RTCA: variants seen among roughly 807,000 people sequenced by gnomAD.
The protein encoded by RTCA is RNA 3'-terminal phosphate cyclase.
A neutral mutation model predicts 46.1 loss-of-function variants in RTCA; 37 were observed. The ratio of observed to expected loss-of-function variants is 0.80; its 90% confidence interval spans 0.62 to 1.06. The LOEUF is 1.06. Ranked by LOEUF, RTCA falls within the 50% of genes least tolerant of loss-of-function variation. The pLI, the probability that RTCA is intolerant of heterozygous loss-of-function variation, is 0.00. For missense variants in RTCA, 435 were observed against 455.5 expected (o/e 0.95, Z 0.41); for synonymous variants, 164 against 158.3 (o/e 1.04, Z -0.27).
intron 3 of RTCA, among the ~76,000 whole-genome samples, chr1:100,268,610 G>A (rs1665915969): frequency 1.3e-5 from 2 of 152,004 alleles, no homozygotes; most frequent in South Asian, 4.2e-4. Flanking sequence ...TTTTCAGCTG[G>A]TCTCGAATTC....
chr1:100,266,313 C>A lies in RTCA; in HGVS notation c.-63C>A. On this transcript the variant is annotated 5_prime_UTR_variant, in exon 1 of 11. Coordinates refer to ENST00000370128, the MANE Select transcript of RTCA (RefSeq NM_003729.4). Reference sequence around the variant, plus strand: ...TGAACTACTGGGCGGGAGCCAACGTCTCTTCTTTCTCCCGCTCTGGCGGAG... The same window carrying A: ...TGAACTACTGGGCGGGAGCCAACGTATCTTCTTTCTCCCGCTCTGGCGGAG... 6.3e-7 allele frequency: 1 copy of A among 1,588,280 alleles called. No individual in the cohort carries two copies. Among genetic ancestry groups the A allele is most frequent in the Non-Finnish European group, 8.5e-7 (1 of 1,170,618 alleles).
intron 9 of RTCA, among the ~76,000 whole-genome samples, chr1:100,286,636 A>C (rs757562494): frequency 2.0e-5 from 3 of 152,114 alleles, no homozygotes; most frequent in Non-Finnish European, 4.4e-5. Context: ...TTAGAAATAT[A>C]GTCCTCGAGA....
At position 100,277,314 on chromosome 1, in the gene RTCA, G is replaced by A. The variant is rs1666448476; in HGVS notation, c.797G>A (p.Arg266Gln). 1 of 1,609,290 alleles carries A rather than the reference G, an allele frequency of 6.2e-7. No individual in the cohort carries two copies. Among genetic ancestry groups the A allele is most frequent in the Non-Finnish European group, 8.5e-7 (1 of 1,178,136 alleles). The stretch of plus-strand genomic sequence containing the variant: ...TTTGCTGGATCATCGCTTGGTAAAC[G>A]AGGTAAGATAAATGAAGGGGGTCCA... ...CLFAGSSLGKRGVNADKVGIE... is the reference protein window; with the variant it reads ...CLFAGSSLGKQGVNADKVGIE... Residue 266 changes from arginine to glutamine, a missense_variant and splice_region_variant, in exon 8 of 11, where the codon CGA becomes CAA. Coordinates refer to ENST00000370128, the MANE Select transcript of RTCA (RefSeq NM_003729.4).
intron 8 of RTCA, among the ~76,000 whole-genome samples, chr1:100,279,840 G>A (rs984116928): frequency 2.6e-5 from 4 of 152,170 alleles, no homozygotes; most frequent in Admixed American, 6.6e-5. Flanking sequence ...ATCTGGGTAA[G>A]GGAATGGAGA....
chr1:100,273,703 T>C (rs556792055), intron 5 of RTCA, among the ~76,000 whole-genome samples: 2 of 152,358 alleles, frequency 1.3e-5, no homozygotes, highest in East Asian at 1.9e-4. Flanking sequence ...GGTACCCTCA[T>C]ATCTAGTGAT....
chr1:100,266,669 CG>C, intron 2 of RTCA, 45 bp downstream of exon 2: 22 of 1,381,484 alleles, frequency 1.6e-5, no homozygotes, highest in Non-Finnish European at 1.9e-5. Context: ...GCTGGGGGAT[CG>C]GGGGGTCGGG....
Position 100,286,314 on chromosome 1 carries a change from C to T in RTCA, c.895-785C>T, listed in dbSNP as rs536575473. Reference sequence around the variant, plus strand: ...GAAAAAATACAAAAAATTAGCCGGGCGTGGTGGCGGGTGCCTGTAGTCGTA... The same window carrying T: ...GAAAAAATACAAAAAATTAGCCGGGTGTGGTGGCGGGTGCCTGTAGTCGTA... On this transcript the variant is annotated intron_variant, in intron 9 of 10. Coordinates refer to ENST00000370128, the MANE Select transcript of RTCA (RefSeq NM_003729.4). 3.3e-5 allele frequency among the ~76,000 whole-genome samples: 5 copies of T among 151,820 alleles called. No individual in the cohort carries two copies. In the South Asian group the frequency reaches 6.2e-4, roughly 19 times the overall value.
At chr1:100,287,584 A>T (rs530118532) in intron 10 of RTCA, among the ~76,000 whole-genome samples, 2 of 152,330 alleles carry the variant, frequency 1.3e-5, no homozygotes, top group South Asian at 4.1e-4. Flanking sequence ...GTGAACTATG[A>T]TATCAAATCA....
intron 8 of RTCA, among the ~76,000 whole-genome samples, chr1:100,283,462 C>G (rs1666832741): frequency 6.6e-6 from 1 of 152,040 alleles, no homozygotes; most frequent in Non-Finnish European, 1.5e-5. Flanking sequence ...ATGCCTGGCT[C>G]AAATATTCCA....
chr1:100,268,106 A>G (rs769275210), intron 2 of RTCA, 46 bp from the exon 3 acceptor site: 3 of 1,605,536 alleles, frequency 1.9e-6, no homozygotes, highest in Admixed American at 1.7e-5. Context: ...GTGGGGATGT[A>G]GGCAGTCTGA....
intron 2 of RTCA, chr1:100,266,947 A>G (rs17122106): frequency 0.015 from 5,434 of 361,190 alleles, 254 homozygotes; most frequent in African/African-American, 0.1. Flanking sequence ...CTGGCAAGAT[A>G]GATAGGGCAG....
intron 8 of RTCA, among the ~76,000 whole-genome samples, chr1:100,281,008 C>CA (rs1417163370): frequency 3.3e-5 from 5 of 152,046 alleles, no homozygotes; most frequent in East Asian, 1.9e-4. Context: ...GACCCTGTCT[C>CA]AAAAAAATAA....
intron 8 of RTCA, among the ~76,000 whole-genome samples, chr1:100,279,078 A>G (rs567602384): frequency 6.6e-6 from 1 of 152,372 alleles, no homozygotes; most frequent in East Asian, 1.9e-4. Flanking sequence ...TGCATGCACT[A>G]TCTACAACAG....
At chr1:100,269,840 A>G (rs1665988409) in intron 3 of RTCA, among the ~76,000 whole-genome samples, 1 of 151,642 alleles carries the variant, frequency 6.6e-6, no homozygotes, top group South Asian at 2.1e-4. Flanking sequence ...TCCCCTTGCC[A>G]CCTGCCCCCC....
chr1:100,286,484 C>CA (rs150553498), intron 9 of RTCA, among the ~76,000 whole-genome samples: 3,397 of 116,670 alleles, frequency 0.029, 154 homozygotes, highest in African/African-American at 0.1. Flanking sequence ...AAACGAAAAA[C>CA]AAAAAAAACT....
intron 4 of RTCA, among the ~76,000 whole-genome samples, chr1:100,271,553 G>C (rs572567924): frequency 6.6e-6 from 1 of 152,046 alleles, no homozygotes; most frequent in Non-Finnish European, 1.5e-5. Context: ...TGATTTGGAG[G>C]GAAACTCAAA....
At chr1:100,273,479 G>A (rs1210986923) in intron 5 of RTCA, 27 bp downstream of exon 5, 38 of 1,445,668 alleles carry the variant, frequency 2.6e-5, no homozygotes, top group Non-Finnish European at 3.4e-5. Context: ...TTAAATGTTA[G>A]GATCTATTAC....
intron 3 of RTCA, among the ~76,000 whole-genome samples, chr1:100,269,629 G>A (rs545731077): frequency 2.0e-5 from 3 of 151,918 alleles, no homozygotes; most frequent in Non-Finnish European, 2.9e-5. Context: ...CACCACGCCC[G>A]GCCAAGCTGT....
chr1:100,289,295 A>G (rs1234799564), intron 10 of RTCA, among the ~76,000 whole-genome samples: 1 of 149,492 alleles, frequency 6.7e-6, no homozygotes, highest in East Asian at 2.0e-4. Flanking sequence ...CACCCTGCTA[A>G]TTTTTTTTTT....
Sources: allele counts gnomAD v4.1 joint callset (sites outside exome capture counted in the v4.1 genomes callset), GRCh38; gene constraint gnomAD v4.1.1; transcripts MANE v1.5; gene names NCBI Gene and HGNC (gene_info 2026-07-23, HGNC 2026-07-21).